STAT3: variants seen among roughly 807,000 people sequenced by gnomAD.
STAT3 encodes signal transducer and activator of transcription 3, also known as DNA-binding protein APRF.
A neutral mutation model predicts 114.3 loss-of-function variants in STAT3; 7 were observed. The ratio of observed to expected loss-of-function variants is 0.06; its 90% CI spans 0.03 to 0.11. The LOEUF is 0.11. Among genes scored for constraint, STAT3 ranks in the 10% least tolerant of loss-of-function variants. STAT3 has a pLI of 1.00. For missense variants in STAT3, 364 were observed against 960.9 expected, an observed-to-expected ratio of 0.38 and a Z score of 8.21; for synonymous variants, 331 against 354.5, an observed-to-expected ratio of 0.93 and a Z score of 0.74.
At position 42,324,853 on chromosome 17, in the gene STAT3, G is replaced by GA; in HGVS notation, c.1465-8dup. 1 of 1,614,152 alleles carries GA rather than the reference G, an allele frequency of 6.2e-7. No homozygotes were observed. The highest frequency in any genetic ancestry group is 2.2e-5 in the East Asian group (1 of 44,886). Reference sequence around the variant, plus strand: ...TGGTAAAAAAGTTTACATTCTATTGGAAAGAACACATTTGCTTGTTTAGAT... The same window carrying GA: ...TGGTAAAAAAGTTTACATTCTATTGGAAAAGAACACATTTGCTTGTTTAGAT... On this transcript the variant is annotated splice_polypyrimidine_tract_variant and splice_region_variant and intron_variant, in intron 16 of 23. Transcript: ENST00000264657. This position sits in a 1 kb window ranked among gnomAD's most constrained non-coding sequence, Gnocchi z 4.5.
intron 4 of STAT3, among the ~76,000 whole-genome samples, chr17:42,343,530 C>T (rs1038002074): frequency 7.0e-6 from 1 of 143,068 alleles, no homozygotes; most frequent in African/African-American, 2.6e-5. Context: ...TCTTGGTTCA[C>T]TACAACCTCC....
intron 23 of STAT3, chr17:42,316,106 C>T (rs542205092): frequency 1.5e-5 from 20 of 1,326,378 alleles, no homozygotes; most frequent in South Asian, 1.0e-4. Context: ...CCGAGACACA[C>T]GTGGCCACCA....
In STAT3 at chr17:42,329,462, A is replaced by T. The variant is rs2144768069; in HGVS notation, c.1234-5T>A. Reference sequence around the variant, plus strand: ...ACATCTCTGCTCCCTCAGGGTCTGTAAGAAAAGAAAAAGGCAGGTGTCCTG... The same window carrying T: ...ACATCTCTGCTCCCTCAGGGTCTGTTAGAAAAGAAAAAGGCAGGTGTCCTG... On this transcript the variant is annotated splice_polypyrimidine_tract_variant and splice_region_variant and intron_variant, in intron 13 of 23. Coordinates refer to ENST00000264657, the MANE Select transcript of STAT3 (RefSeq NM_139276.3). 1 of 1,614,180 alleles carries T rather than the reference A, an allele frequency of 6.2e-7. No individual in the cohort carries two copies. The highest frequency in any genetic ancestry group is 1.1e-5 in the South Asian group (1 of 91,082).
chr17:42,337,833 T>G lies in STAT3; in HGVS notation c.575A>C (p.Asn192Thr). The change falls in exon 7 of 24, where the codon AAC becomes ACC. Residue 192 changes from asparagine (N) to threonine (T), a missense_variant. Asn to Thr is a moderately conservative substitution (Grantham distance 65). Around this residue, in one of 5 missense-constraint regions of STAT3, gnomAD observed 294 missense variants for 745.1 expected, o/e 0.39. Coordinates refer to ENST00000264657, the MANE Select transcript of STAT3 (RefSeq NM_139276.3). This position sits in a 1 kb window ranked among gnomAD's most constrained non-coding sequence, Gnocchi z 4.0. ...CATCTTCTGCCTGGTCACTGACTGGTTGTTTCCATTCAGATCTTGCATGTC... is the reference window on the plus strand; with the variant it reads ...CATCTTCTGCCTGGTCACTGACTGGGTGTTTCCATTCAGATCTTGCATGTC... ...QGDMQDLNGNNQSVTRQKMQQ... is the reference protein window; with the variant it reads ...QGDMQDLNGNTQSVTRQKMQQ... 1 of 1,614,224 alleles carries G rather than the reference T, an allele frequency of 6.2e-7. No individual in the cohort carries two copies. The highest frequency in any genetic ancestry group is 1.1e-5 in the South Asian group (1 of 91,074).
chr17:42,334,826 G>A (rs909507174), intron 8 of STAT3, among the ~76,000 whole-genome samples: 1 of 152,162 alleles, frequency 6.6e-6, no homozygotes, highest in Non-Finnish European at 1.5e-5. Context: ...CACACAAGAA[G>A]TATTAAAATT....
chr17:42,350,643 G>C (rs1598450091), intron 1 of STAT3, among the ~76,000 whole-genome samples: 1 of 152,082 alleles, frequency 6.6e-6, no homozygotes, highest in Non-Finnish European at 1.5e-5. Flanking sequence ...TCCCTCTTTG[G>C]GGGACAGACT....
chr17:42,384,533 T>G (rs2084988220), intron 1 of STAT3, among the ~76,000 whole-genome samples: 1 of 150,746 alleles, frequency 6.6e-6, no homozygotes, highest in Non-Finnish European at 1.5e-5. Flanking sequence ...CTACTTACCC[T>G]CCTAGTCTAC....
Position 42,348,539 on chromosome 17 carries a change from A to G in STAT3, c.-23T>C, listed in dbSNP as rs768635673. The G allele has an allele frequency of 9.3e-6, 15 of 1,612,714 alleles. No individual in the cohort carries two copies. Among genetic ancestry groups the G allele is most frequent in the African/African-American group, 1.3e-5 (1 of 74,866 alleles). On this transcript the variant is annotated splice_region_variant and 5_prime_UTR_variant, in exon 2 of 24. Coordinates refer to ENST00000264657, the MANE Select transcript of STAT3 (RefSeq NM_139276.3). Reference sequence around the variant, plus strand: ...CATCCTGCTAAAATCAGGGGTCCCAACTGTAAACCAAAGTGTGCATATGTT... The same window carrying G: ...CATCCTGCTAAAATCAGGGGTCCCAGCTGTAAACCAAAGTGTGCATATGTT...
intron 14 of STAT3, among the ~76,000 whole-genome samples, chr17:42,327,802 C>T (rs1318553178): frequency 1.4e-4 from 21 of 152,156 alleles, no homozygotes; most frequent in Non-Finnish European, 1.5e-5. Flanking sequence ...AATCCCAGCA[C>T]TTTCGGAGGC....
At chr17:42,347,714 G>A (rs1166566740) in intron 2 of STAT3, among the ~76,000 whole-genome samples, 1 of 152,114 alleles carries the variant, frequency 6.6e-6, no homozygotes, top group East Asian at 1.9e-4. Flanking sequence ...TGTTGATACT[G>A]TCCTCGAGAC....
At position 42,313,969 on chromosome 17, in the gene STAT3, T is replaced by C. The variant is rs2081164099; in HGVS notation, c.*1776A>G. On this transcript the variant is annotated 3_prime_UTR_variant, in exon 24 of 24. Coordinates refer to ENST00000264657, the MANE Select transcript of STAT3 (RefSeq NM_139276.3). ...AAACAGAATTCCACAGAAACTCTGA[T>C]CAGCTGAGGCAAGGTGGTTTTGAGT... 4.3e-6 allele frequency: 1 copy of C among 231,162 alleles called. No homozygotes were observed. The highest frequency in any genetic ancestry group is 8.6e-6 in the Non-Finnish European group (1 of 116,694). The allele number at this position is 231,162 out of a possible 1,614,324, so 14.3% of individuals were successfully genotyped here.
chr17:42,325,099 G>T, intron 15 of STAT3, 38 bp from the exon 16 acceptor site: 1 of 1,587,568 alleles, frequency 6.3e-7, no homozygotes, highest in South Asian at 1.1e-5. Context: ...GGAGGCAGAG[G>T]GGCTCTCACA....
intron 1 of STAT3, among the ~76,000 whole-genome samples, chr17:42,362,756 T>G (rs1218258226): frequency 6.6e-6 from 1 of 152,206 alleles, no homozygotes; most frequent in Non-Finnish European, 1.5e-5. Flanking sequence ...GCGTGCAGCA[T>G]GTAAGTGTTT....
chr17:42,375,914 A>G (rs2084428388), intron 1 of STAT3, among the ~76,000 whole-genome samples: 1 of 152,076 alleles, frequency 6.6e-6, no homozygotes, highest in Admixed American at 6.6e-5. Flanking sequence ...GCACTTTGGG[A>G]GGCCAAGGTG....
intron 4 of STAT3, among the ~76,000 whole-genome samples, chr17:42,341,192 A>C (rs146884790): frequency 6.6e-6 from 1 of 152,344 alleles, no homozygotes; most frequent in African/African-American, 2.4e-5. Flanking sequence ...CACCCACAGA[A>C]ACCCACCTCT....
Position 42,362,101 on chromosome 17 carries a change from T to C in STAT3, c.-23-13562A>G, listed in dbSNP as rs914803452. On this transcript the variant is annotated intron_variant, in intron 1 of 23. Transcript: ENST00000264657. ...GCGGTCACATGCTCAGCATGGTAAATGTCATGGCAGGAGTGCCAACATTGA... is the reference window on the plus strand; with the variant it reads ...GCGGTCACATGCTCAGCATGGTAAACGTCATGGCAGGAGTGCCAACATTGA... Among the ~76,000 whole-genome samples the C allele has an allele frequency of 2.6e-5, 4 of 152,178 alleles. No individual in the cohort carries two copies. In the East Asian group the frequency reaches 5.8e-4, roughly 22 times the overall value.
chr17:42,384,845 C>T (rs950220005), intron 1 of STAT3, among the ~76,000 whole-genome samples: 1 of 152,142 alleles, frequency 6.6e-6, no homozygotes, highest in Non-Finnish European at 1.5e-5. Context: ...CATAAACCAC[C>T]GCAAATTCTT....
intron 1 of STAT3, among the ~76,000 whole-genome samples, chr17:42,385,326 T>C (rs952828337): frequency 4.0e-5 from 6 of 151,898 alleles, no homozygotes; most frequent in African/African-American, 1.5e-4. Context: ...CTGGTCAATA[T>C]AGTGAAACCT....
rs535986343 is a variant in STAT3, at chr17:42,378,161, TAATC to T, written c.-24+10114_-24+10117del. Among the ~76,000 whole-genome samples the T allele has an allele frequency of 1.1e-3, 173 of 151,156 alleles. 2 individuals carry two copies. In the South Asian group the frequency reaches 0.026, roughly 23 times the overall value. On this transcript the variant is annotated intron_variant, in intron 1 of 23. Coordinates refer to ENST00000264657, the MANE Select transcript of STAT3 (RefSeq NM_139276.3). ...CCACCGCACCCAGCCAGATTATTCT[TAATC>T]AGTTGATTATTTCTGGCTCCAGAAT...
Sources: allele counts gnomAD v4.1 joint callset (sites outside exome capture counted in the v4.1 genomes callset), GRCh38; gene constraint gnomAD v4.1.1; regional missense constraint gnomAD v4.1.1; non-coding constraint Gnocchi (gnomAD v3.1); transcripts MANE v1.5; gene names NCBI Gene and HGNC (gene_info 2026-07-23, HGNC 2026-07-21).